The following ZNF516 variants were observed in gnomAD, a reference collection of about 807,000 sequenced individuals.
ZNF516 encodes the protein zinc finger protein 516.
A neutral mutation model predicts 79.7 loss-of-function variants in ZNF516; 19 were observed. The observed-to-expected ratio is 0.24, with a 90% CI of 0.17 to 0.35. The LOEUF is 0.35. Among genes scored for constraint, ZNF516 ranks in the 10% least tolerant of loss-of-function variants. The probability of loss-of-function intolerance (pLI) is 1.00; values close to 1 mark genes in which losing one functional copy is unlikely to be tolerated. For synonymous variants in ZNF516, 877 were observed against 739.5 expected (o/e 1.19, Z -3.02); for missense variants, 1,678 against 1,679.5 (o/e 1.00, Z 0.02).
intron 3 of ZNF516, among the ~76,000 whole-genome samples, chr18:76,437,440 C>G (rs1237542529): frequency 1.9e-5 from 2 of 105,692 alleles, no homozygotes; most frequent in Non-Finnish European, 4.2e-5. Flanking sequence ...TTCCCTTGAC[C>G]ATATTTTTTT....
intron 3 of ZNF516, among the ~76,000 whole-genome samples, chr18:76,380,834 T>C (rs2074879651): frequency 6.6e-6 from 1 of 152,176 alleles, no homozygotes; most frequent in Non-Finnish European, 1.5e-5. Flanking sequence ...ACCACTGGGC[T>C]ACCGACCACC....
intron 3 of ZNF516, among the ~76,000 whole-genome samples, chr18:76,437,806 T>C (rs147262240): frequency 6.6e-6 from 1 of 152,214 alleles, no homozygotes; most frequent in Admixed American, 6.5e-5. Flanking sequence ...AGTACAGATA[T>C]AAACATCTAT....
chr18:76,398,286 A>C (rs76269023), intron 3 of ZNF516, among the ~76,000 whole-genome samples: 220 of 152,352 alleles, frequency 1.4e-3, no homozygotes, highest in African/African-American at 5.1e-3. Context: ...CATCCACTGG[A>C]GAAAATACAA....
chr18:76,418,316 G>A (rs750404678), intron 3 of ZNF516, among the ~76,000 whole-genome samples: 3 of 151,942 alleles, frequency 2.0e-5, no homozygotes, highest in African/African-American at 7.3e-5. Context: ...GTAACATGCT[G>A]TAACACACTA....
intron 3 of ZNF516, among the ~76,000 whole-genome samples, chr18:76,417,641 T>C (rs1359594699): frequency 6.6e-6 from 1 of 152,228 alleles, no homozygotes. Flanking sequence ...TCAAAGGATT[T>C]TTCTCCCTTT....
intron 3 of ZNF516, among the ~76,000 whole-genome samples, chr18:76,439,255 C>G (rs762026993): frequency 3.3e-5 from 5 of 152,116 alleles, no homozygotes; most frequent in Non-Finnish European, 7.4e-5. Flanking sequence ...TACACTAGAC[C>G]ATTAAAGGCA....
chr18:76,440,590 T>A (rs916075616), intron 3 of ZNF516, among the ~76,000 whole-genome samples: 2 of 152,250 alleles, frequency 1.3e-5, no homozygotes, highest in East Asian at 3.8e-4. Flanking sequence ...TCTTTAAATA[T>A]TTACATGGCT....
intron 1 of ZNF516, chr18:76,492,251 G>A (rs573530965): frequency 5.3e-4 from 521 of 985,470 alleles, no homozygotes; most frequent in Non-Finnish European, 5.9e-4. Flanking sequence ...CTCGGCTCAG[G>A]TCGGGTCCGT....
At chr18:76,455,448 G>A (rs377605784) in intron 2 of ZNF516, among the ~76,000 whole-genome samples, 3 of 152,312 alleles carry the variant, frequency 2.0e-5, no homozygotes, top group Admixed American at 6.5e-5. Context: ...ACTGCTCAGG[G>A]ACAGATGGAG....
At chr18:76,456,182 C>A (rs1161746714) in intron 2 of ZNF516, among the ~76,000 whole-genome samples, 3 of 152,248 alleles carry the variant, frequency 2.0e-5, no homozygotes, top group Non-Finnish European at 2.9e-5. Context: ...CTTTAGCTCA[C>A]GCTCCTGGCC....
rs957061484 is a variant in ZNF516, at chr18:76,371,409, C to T, written c.3364+58G>A. Reference sequence around the variant, plus strand: ...TCGCTGCGGATGGTCAAGCCACTGACAGAAGAGACCCCTCTTCCTCTGCTC... The same window carrying T: ...TCGCTGCGGATGGTCAAGCCACTGATAGAAGAGACCCCTCTTCCTCTGCTC... On this transcript the variant is annotated intron_variant, in intron 5 of 6. Coordinates refer to ENST00000443185, the MANE Select transcript of ZNF516 (RefSeq NM_014643.4). 1.1e-5 allele frequency: 16 copies of T among 1,502,140 alleles called. No individual in the cohort carries two copies. In the Admixed American group the frequency reaches 2.3e-4, roughly 21 times the overall value. The allele number at this position is 1,502,140 out of a possible 1,614,324, so 93.1% of individuals were successfully genotyped here.
Position 76,459,864 on chromosome 18 carries a change from A to G in ZNF516, c.-158+3164T>C, listed in dbSNP as rs1217216488. On this transcript the variant is annotated intron_variant, in intron 2 of 6. Transcript: ENST00000443185. The surrounding 1 kb of genome is among the most constrained non-coding windows in gnomAD (Gnocchi z 5.0). ...CGATCCGGCAGGCACAAGAAGGAAC[A>G]TACTGATGATAAGGAAACGCCGGGT... is the stretch of plus-strand genomic sequence containing the variant. Among the ~76,000 whole-genome samples the G allele has an allele frequency of 6.6e-6, 1 of 152,212 alleles. No individual in the cohort carries two copies. Among genetic ancestry groups the G allele is most frequent in the South Asian group, 2.1e-4 (1 of 4,828 alleles).
intron 2 of ZNF516, among the ~76,000 whole-genome samples, chr18:76,448,640 C>G (rs75954443): frequency 6.6e-6 from 1 of 152,174 alleles, no homozygotes; most frequent in Non-Finnish European, 1.5e-5. Flanking sequence ...TCCACATCCC[C>G]GAGGAACTTC....
intron 3 of ZNF516, among the ~76,000 whole-genome samples, chr18:76,418,374 A>C (rs889730424): frequency 1.3e-5 from 2 of 152,114 alleles, no homozygotes; most frequent in African/African-American, 4.8e-5. Flanking sequence ...CTGTAACACT[A>C]ACACACACTG....
chr18:76,474,626 A>C (rs1158936094), intron 1 of ZNF516, among the ~76,000 whole-genome samples: 1 of 152,230 alleles, frequency 6.6e-6, no homozygotes, highest in Non-Finnish European at 1.5e-5. Context: ...AACCAGTAAC[A>C]AAAATATAAT....
chr18:76,463,683 C>A (rs1045554718), intron 1 of ZNF516, among the ~76,000 whole-genome samples: 2 of 152,234 alleles, frequency 1.3e-5, no homozygotes, highest in Non-Finnish European at 2.9e-5. Context: ...GGGAGCCAGT[C>A]TGTGACCGCA....
At chr18:76,435,438 T>C (rs956884844) in intron 3 of ZNF516, among the ~76,000 whole-genome samples, 2 of 152,172 alleles carry the variant, frequency 1.3e-5, no homozygotes, top group African/African-American at 2.4e-5. Flanking sequence ...TCCTCATAAT[T>C]TAATCTTCCT....
At chr18:76,477,952 T>C (rs1376744474) in intron 1 of ZNF516, among the ~76,000 whole-genome samples, 1 of 152,218 alleles carries the variant, frequency 6.6e-6, no homozygotes, top group East Asian at 1.9e-4. Flanking sequence ...AATTATTATA[T>C]GTAAATGACC....
At position 76,441,561 on chromosome 18, in the gene ZNF516, G is replaced by A. The variant is rs764359123; in HGVS notation, c.1494C>T (p.Ala498=). ...CTGCGGCCCTGCGGTTGGGGCGCGC[G>A]GCCGAGCGGGGATCGAGGTGGCCGG... ...APAGHLDPRS[A]ARPNRRAAAT... The change falls in exon 3 of 7, where the codon GCC becomes GCT. Residue 498 remains alanine (A), a synonymous_variant. Transcript: ENST00000443185. The A allele has an allele frequency of 9.4e-6, 14 of 1,482,126 alleles. No homozygotes were observed. In the Admixed American group the frequency reaches 1.8e-4, roughly 19 times the overall value. The allele number at this position is 1,482,126 out of a possible 1,614,324, so 91.8% of individuals were successfully genotyped here.
Sources: gnomAD v4.1 joint callset for allele counts (sites outside exome capture counted in the v4.1 genomes callset) on GRCh38, gnomAD v4.1.1 for gene constraint, Gnocchi (gnomAD v3.1) non-coding constraint, MANE v1.5 for transcripts, NCBI Gene and HGNC (gene_info 2026-07-23, HGNC 2026-07-21) for gene names.